Variants in CSMD1 observed in about 807,000 individuals in gnomAD.
CSMD1 encodes CUB and Sushi multiple domains 1.
A neutral mutation model predicts 417.5 loss-of-function variants in CSMD1; 213 were observed. That is an observed-to-expected ratio of 0.51 (90% CI 0.46 to 0.57). The LOEUF is 0.57. Ranked by LOEUF, CSMD1 falls within the 20% of genes least tolerant of loss-of-function variation. The pLI is 0.00. For synonymous variants in CSMD1, 2,862 were observed against 1,736.8 expected, an observed-to-expected ratio of 1.65 and a Z score of -16.11; for missense variants, 6,923 against 4,529.7, an observed-to-expected ratio of 1.53 and a Z score of -15.17.
chr8:2,970,973 G>T (rs1202711090), intron 57 of CSMD1, among the ~76,000 whole-genome samples: 1 of 152,084 alleles, frequency 6.6e-6, no homozygotes, highest in Non-Finnish European at 1.5e-5. Flanking sequence ...TTTACATTTT[G>T]CTCACTTTTT....
At chr8:4,338,897 T>G (rs1295589364) in intron 3 of CSMD1, among the ~76,000 whole-genome samples, 1 of 152,106 alleles carries the variant, frequency 6.6e-6, no homozygotes, top group East Asian at 1.9e-4. Context: ...TTACTAGAAC[T>G]GACAACAGAG....
At chr8:3,364,185 T>C (rs1809396526) in intron 20 of CSMD1, among the ~76,000 whole-genome samples, 1 of 152,144 alleles carries the variant, frequency 6.6e-6, no homozygotes, top group African/African-American at 2.4e-5. Flanking sequence ...GGTATCAGTG[T>C]CACTGGCAAT....
chr8:4,064,428 C>T (rs1007461453), intron 3 of CSMD1, among the ~76,000 whole-genome samples: 6 of 152,192 alleles, frequency 3.9e-5, no homozygotes, highest in South Asian at 2.1e-4. Context: ...TAAGCTTCTG[C>T]GGGCTTTGCC....
chr8:4,218,069 C>T (rs896494624), intron 3 of CSMD1, among the ~76,000 whole-genome samples: 3 of 152,156 alleles, frequency 2.0e-5, no homozygotes, highest in Non-Finnish European at 4.4e-5. Context: ...CCACTGATGC[C>T]TGAGGTTGCA....
chr8:3,801,841 A>T (rs1027705741), intron 5 of CSMD1, among the ~76,000 whole-genome samples: 14 of 152,288 alleles, frequency 9.2e-5, no homozygotes, highest in Non-Finnish European at 2.1e-4. Flanking sequence ...AGGGACCAGA[A>T]TCATTAAAGT....
chr8:3,620,166 T>G (rs1221405967), intron 7 of CSMD1, among the ~76,000 whole-genome samples: 2 of 152,112 alleles, frequency 1.3e-5, no homozygotes, highest in African/African-American at 4.8e-5. Flanking sequence ...TGAAAAAATG[T>G]CAGCTGAAAA....
intron 5 of CSMD1, among the ~76,000 whole-genome samples, chr8:3,972,587 A>C (rs1025035768): frequency 1.3e-5 from 2 of 152,178 alleles, no homozygotes; most frequent in African/African-American, 4.8e-5. Flanking sequence ...TCATCTTTAT[A>C]AAACGGCCTT....
chr8:4,703,846 G>A (rs566211607), intron 1 of CSMD1, among the ~76,000 whole-genome samples: 1 of 152,238 alleles, frequency 6.6e-6, no homozygotes, highest in South Asian at 2.1e-4. Flanking sequence ...CCAGTTCTCT[G>A]GCAGACAATT....
In CSMD1 at chr8:3,644,999, G is replaced by A. The variant is rs566179174; in HGVS notation, c.1010-28202C>T. Among the ~76,000 whole-genome samples, 7 of 107,276 alleles carry A rather than the reference G, an allele frequency of 6.5e-5. No individual in the cohort carries two copies. The South Asian group carries it at 8.5e-4, about 13-fold the overall frequency. 70.4% of individuals were successfully genotyped at this position (107,276 alleles called of 152,430 possible). A position where few individuals can be genotyped will look rare whatever the true frequency, so the allele number is the denominator to read the frequency against. ...AAAAAAAAAAAAAAAAAAGTCAATT[G>A]TTCTTTCAAACTCGCATTTCTTCCT... is the stretch of plus-strand genomic sequence containing the variant. On this transcript the variant is annotated intron_variant, in intron 7 of 69. Transcript: ENST00000635120.
At chr8:2,984,726 A>G (rs926411797) in intron 54 of CSMD1, among the ~76,000 whole-genome samples, 4 of 152,238 alleles carry the variant, frequency 2.6e-5, no homozygotes, top group Non-Finnish European at 5.9e-5. Flanking sequence ...ACATAGTGGT[A>G]ATTTTGGGTC....
At chr8:3,552,299 T>C (rs13248126) in intron 10 of CSMD1, among the ~76,000 whole-genome samples, 58,520 of 151,790 alleles carry the variant, frequency 0.39, 11,789 homozygotes, top group Non-Finnish European at 0.44. Flanking sequence ...ATCATCCACA[T>C]GGCATGAAAA....
intron 3 of CSMD1, among the ~76,000 whole-genome samples, chr8:4,415,928 T>G (rs1476383008): frequency 2.6e-5 from 4 of 152,190 alleles, no homozygotes; most frequent in Non-Finnish European, 4.4e-5. Context: ...TGTGGATAAT[T>G]TCTGCTTTCA....
At chr8:3,562,282 TGA>T (rs1405420429) in intron 10 of CSMD1, among the ~76,000 whole-genome samples, 2 of 150,962 alleles carry the variant, frequency 1.3e-5, no homozygotes, top group African/African-American at 4.9e-5. Flanking sequence ...CATCAACTGA[TGA>T]GAGAGTTTTA....
At chr8:4,464,675 C>G (rs1299515136) in intron 2 of CSMD1, among the ~76,000 whole-genome samples, 1 of 152,068 alleles carries the variant, frequency 6.6e-6, no homozygotes, top group African/African-American at 2.4e-5. Context: ...TGTAGTCAAT[C>G]CTGTAATATA....
At chr8:4,921,508 G>A (rs1806497914) in intron 1 of CSMD1, among the ~76,000 whole-genome samples, 1 of 152,168 alleles carries the variant, frequency 6.6e-6, no homozygotes, top group Admixed American at 6.5e-5. Flanking sequence ...AGTTTGTGAT[G>A]TTGGAATCAC....
chr8:4,025,727 T>G (rs1585156240), intron 4 of CSMD1, among the ~76,000 whole-genome samples: 1 of 152,178 alleles, frequency 6.6e-6, no homozygotes, highest in Non-Finnish European at 1.5e-5. Flanking sequence ...AAAATGAATT[T>G]TGAGGTCTCA....
chr8:3,683,601 C>T (rs982611405), intron 7 of CSMD1, among the ~76,000 whole-genome samples: 4 of 152,110 alleles, frequency 2.6e-5, no homozygotes, highest in African/African-American at 9.7e-5. Flanking sequence ...GAATATCATT[C>T]TTCTGCCAGG....
chr8:2,977,052 T>A (rs560629577), intron 55 of CSMD1, among the ~76,000 whole-genome samples: 35 of 147,930 alleles, frequency 2.4e-4, no homozygotes, highest in East Asian at 5.9e-4. Context: ...GAGGTTTTTT[T>A]AAAAAAAAAA....
chr8:4,654,839 G>A (rs1214643739), intron 1 of CSMD1, among the ~76,000 whole-genome samples: 1 of 151,918 alleles, frequency 6.6e-6, no homozygotes, highest in Non-Finnish European at 1.5e-5. Flanking sequence ...CTATTTTAAA[G>A]ACAACAAATA....
Sources: allele counts gnomAD v4.1 joint callset (sites outside exome capture counted in the v4.1 genomes callset), GRCh38; gene constraint gnomAD v4.1.1; transcripts MANE v1.5; gene names NCBI Gene and HGNC (gene_info 2026-07-23, HGNC 2026-07-21).